Variants in SOX6 observed in about 807,000 individuals in gnomAD.
SOX6 encodes the protein SRY-box transcription factor 6, also known as transcription factor SOX-6.
Under a neutral mutation model 97.8 loss-of-function variants are expected in SOX6, and 11 were observed. The ratio of observed to expected loss-of-function variants is 0.11; its 90% CI spans 0.07 to 0.19. The LOEUF is 0.19. Among genes scored for constraint, SOX6 ranks in the 10% least tolerant of loss-of-function variants. SOX6 has a pLI of 1.00. For synonymous variants in SOX6, 360 were observed against 371.4 expected, an observed-to-expected ratio of 0.97 and a Z score of 0.35; for missense variants, 810 against 1,039.5, an observed-to-expected ratio of 0.78 and a Z score of 3.04.
chr11:16,107,072 A>C (rs775142356), intron 7 of SOX6, among the ~76,000 whole-genome samples: 2 of 152,066 alleles, frequency 1.3e-5, no homozygotes, highest in Non-Finnish European at 2.9e-5. Context: ...AATAATAAAA[A>C]AATTTAGTTG....
chr11:16,121,667 G>T (rs112553897), intron 6 of SOX6, among the ~76,000 whole-genome samples: 1,824 of 151,834 alleles, frequency 0.012, 35 homozygotes, highest in African/African-American at 0.042. Flanking sequence ...TCTATCTATG[G>T]TCTACACCCC....
intron 3 of SOX6, among the ~76,000 whole-genome samples, chr11:16,699,021 C>G (rs564058669): frequency 6.6e-5 from 10 of 152,168 alleles, no homozygotes; most frequent in Non-Finnish European, 1.3e-4. Context: ...GACAGACTTG[C>G]TGAATACTGG....
chr11:16,473,129 T>C (rs1388056978), intron 1 of SOX6, among the ~76,000 whole-genome samples: 1 of 152,336 alleles, frequency 6.6e-6, no homozygotes, highest in East Asian at 1.9e-4. Flanking sequence ...TCTTTATTTA[T>C]AAAAAGTACC....
chr11:16,658,213 T>C (rs780116808), intron 3 of SOX6, among the ~76,000 whole-genome samples: 1 of 152,204 alleles, frequency 6.6e-6, no homozygotes, highest in Non-Finnish European at 1.5e-5. Flanking sequence ...AAGATCTAAC[T>C]GTGGTTCTAC....
chr11:16,068,066 G>C (rs1195265381), intron 9 of SOX6, among the ~76,000 whole-genome samples: 1 of 152,134 alleles, frequency 6.6e-6, no homozygotes, highest in Non-Finnish European at 1.5e-5. Context: ...ATCATTCAAG[G>C]GGACAATAGA....
At chr11:16,392,137 C>T (rs905769503) in intron 1 of SOX6, among the ~76,000 whole-genome samples, 5 of 151,878 alleles carry the variant, frequency 3.3e-5, no homozygotes, top group Admixed American at 1.3e-4. Flanking sequence ...TACCCTGACA[C>T]GAAATAAAGC....
intron 1 of SOX6, among the ~76,000 whole-genome samples, chr11:16,398,892 AT>A (rs147649946): frequency 0.02 from 3,042 of 151,034 alleles, 43 homozygotes; most frequent in East Asian, 0.053. Flanking sequence ...GTAAAATAAT[AT>A]TTTTTTTAAA....
intron 4 of SOX6, among the ~76,000 whole-genome samples, chr11:16,214,584 T>C (rs1852317194): frequency 6.6e-6 from 1 of 152,106 alleles, no homozygotes; most frequent in Non-Finnish European, 1.5e-5. Flanking sequence ...GCTCCTATAC[T>C]GTCAGTGTTG....
intron 3 of SOX6, among the ~76,000 whole-genome samples, chr11:16,684,692 GCACGTTCTGCACAT>G (rs1847955174): frequency 6.6e-6 from 1 of 151,726 alleles, no homozygotes; most frequent in Admixed American, 6.6e-5. Flanking sequence ...TAGCAAACCT[GCACGTTCTGCACAT>G]GTACCCTAGA....
intron 4 of SOX6, among the ~76,000 whole-genome samples, chr11:16,493,358 ATAAAG>A (rs1322863664): frequency 6.6e-6 from 1 of 152,242 alleles, no homozygotes; most frequent in Admixed American, 6.5e-5. Flanking sequence ...GACCATTTAT[ATAAAG>A]TAAAGAACAG....
At chr11:16,596,014 C>T (rs969663402) in intron 4 of SOX6, among the ~76,000 whole-genome samples, 15 of 152,144 alleles carry the variant, frequency 9.9e-5, no homozygotes, top group Non-Finnish European at 2.1e-4. Flanking sequence ...TTATGATATA[C>T]ACCAACTTTG....
intron 4 of SOX6, among the ~76,000 whole-genome samples, chr11:16,211,865 G>A (rs1852243142): frequency 6.6e-6 from 1 of 152,130 alleles, no homozygotes; most frequent in African/African-American, 2.4e-5. Flanking sequence ...ATGTACCACA[G>A]TGAAAAATCA....
chr11:16,605,998 G>C lies in SOX6; in HGVS notation n.609+6083C>G, dbSNP rs6486300. Reference sequence around the variant, plus strand: ...TTGGATATTGTCTACGTATGGATCAGCCCTTGGATGAGGGTTTATTTTAAT... The same window carrying C: ...TTGGATATTGTCTACGTATGGATCACCCCTTGGATGAGGGTTTATTTTAAT... On this transcript the variant is annotated intron_variant and non_coding_transcript_variant, in intron 4 of 5. Transcript: ENST00000524520. This position sits in a 1 kb window ranked among gnomAD's most constrained non-coding sequence, Gnocchi z 5.3. 40,589 of 152,104 alleles carry C rather than the reference G, an allele frequency of 0.27. 6,222 individuals carry two copies. The highest frequency in any genetic ancestry group is 0.53 in the East Asian group (2,745 of 5,158). 9.4% of individuals were successfully genotyped at this position (152,104 alleles called of 1,614,324 possible). A position where few individuals can be genotyped will look rare whatever the true frequency, so the allele number is the denominator to read the frequency against.
intron 6 of SOX6, among the ~76,000 whole-genome samples, chr11:16,143,471 A>G (rs1411366879): frequency 6.6e-6 from 1 of 152,222 alleles, no homozygotes; most frequent in Non-Finnish European, 1.5e-5. Flanking sequence ...AGCTAACATC[A>G]TAATGACAGG....
chr11:16,481,310 C>G (rs1406168679), upstream of SOX6, among the ~76,000 whole-genome samples: 1 of 151,912 alleles, frequency 6.6e-6, no homozygotes, highest in Non-Finnish European at 1.5e-5. Context: ...AAGCTAATGT[C>G]CAGTATTTTT....
At chr11:16,344,568 T>C (rs977462240) in intron 1 of SOX6, among the ~76,000 whole-genome samples, 2 of 151,936 alleles carry the variant, frequency 1.3e-5, no homozygotes, top group African/African-American at 4.8e-5. Flanking sequence ...AATATACCCA[T>C]GTTTCAGTGT....
At chr11:16,569,426 T>G (rs970514631) in intron 4 of SOX6, among the ~76,000 whole-genome samples, 7 of 152,184 alleles carry the variant, frequency 4.6e-5, no homozygotes, top group Non-Finnish European at 1.0e-4. Context: ...ACAGAAATTA[T>G]TTTGGGTGCT....
chr11:15,994,371 TA>T lies in SOX6; in HGVS notation c.1733-5142del, dbSNP rs369275335. On this transcript the variant is annotated intron_variant, in intron 13 of 15. Coordinates refer to ENST00000683767, the MANE Select transcript of SOX6 (RefSeq NM_001367873.1). Reference sequence around the variant, plus strand: ...CAGTGTGAGGAAAGGCACAGGGTTATAAAAAAAAAAAGCAAAGGACATTTTA... The same window carrying T: ...CAGTGTGAGGAAAGGCACAGGGTTATAAAAAAAAAAGCAAAGGACATTTTA... Among the ~76,000 whole-genome samples the T allele has an allele frequency of 1.0e-2, 957 of 95,954 alleles. 7 individuals are homozygous for T. The highest frequency in any genetic ancestry group is 0.032 in the African/African-American group (831 of 26,294). The allele number at this position is 95,954 out of a possible 152,430, so 62.9% of individuals were successfully genotyped here. A position where few individuals can be genotyped will look rare whatever the true frequency, so the allele number is the denominator to read the frequency against.
At chr11:16,367,463 A>G (rs1857387859) in intron 1 of SOX6, among the ~76,000 whole-genome samples, 1 of 152,190 alleles carries the variant, frequency 6.6e-6, no homozygotes, top group South Asian at 2.1e-4. Flanking sequence ...AAGTTATGAC[A>G]CAAAGCGTAA....
Sources: gnomAD v4.1 joint callset for allele counts (sites outside exome capture counted in the v4.1 genomes callset) on GRCh38, gnomAD v4.1.1 for gene constraint, Gnocchi (gnomAD v3.1) non-coding constraint, MANE v1.5 for transcripts, NCBI Gene and HGNC (gene_info 2026-07-23, HGNC 2026-07-21) for gene names.